CSTL1: variants seen among roughly 807,000 people sequenced by gnomAD.
The protein encoded by CSTL1 is cystatin like 1.
In CSTL1, 14 loss-of-function variants were observed where a neutral mutation model predicts 14.4. The observed-to-expected ratio is 0.97, with a 90% confidence interval of 0.64 to 1.52. The LOEUF (loss-of-function observed/expected upper bound fraction) is 1.52, where lower values mean the gene tolerates loss of function less well. Among genes scored for constraint, CSTL1 ranks in the 40% most tolerant of loss-of-function variants. The pLI is 0.00. For missense variants in CSTL1, 170 were observed against 168.7 expected (o/e 1.01, Z -0.04); for synonymous variants, 72 against 67.5 (o/e 1.07, Z -0.33).
chr20:23,458,466 C>T, the CSTL1 span: 1 of 152,174 alleles, frequency 6.6e-6, no homozygotes, highest in African/African-American at 2.4e-5. Context: ...CTTCATTATT[C>T]CCCGTAGCTC....
At chr20:23,452,626 C>T in the CSTL1 span, 54 of 1,613,890 alleles carry the variant, frequency 3.3e-5, no homozygotes, top group Admixed American at 3.8e-4. Context: ...TGAAGTGGTA[C>T]TTGTCATCAC....
the CSTL1 span, among the ~76,000 whole-genome samples, chr20:23,454,148 A>G: frequency 2.0e-5 from 3 of 150,316 alleles, no homozygotes; most frequent in South Asian, 6.4e-4. Flanking sequence ...CCACACTCAC[A>G]CTGAAACACA....
intron 3 of CSTL1, 26 bp from the exon 4 acceptor site, chr20:23,444,745 A>C: frequency 6.6e-7 from 1 of 1,504,766 alleles, no homozygotes; most frequent in Non-Finnish European, 9.3e-7. Context: ...CTTCCCCCAA[A>C]GTCTGTTTTC....
rs1055928486 is a variant in CSTL1 at position 23,443,926 on chromosome 20, C to T, written c.220-8C>T. On this transcript the variant is annotated splice_region_variant and splice_polypyrimidine_tract_variant and intron_variant, in intron 2 of 3. Transcript: ENST00000347397. ...GTCCACACTAACAGCACAACTGATT[C>T]TCGGCAGCTGACGACGGGAGTGGAG... The T allele has an allele frequency of 8.1e-6, 13 of 1,608,052 alleles. No individual in the cohort carries two copies. Among genetic ancestry groups the T allele is most frequent in the South Asian group, 3.3e-5 (3 of 90,892 alleles).
chr20:23,446,758 G>A (rs1014690861), downstream of CSTL1, among the ~76,000 whole-genome samples: 1 of 152,188 alleles, frequency 6.6e-6, no homozygotes, highest in Non-Finnish European at 1.5e-5. Context: ...CTGACAGTGT[G>A]CCTATTGTAC....
chr20:23,460,893 A>G, the CSTL1 span, among the ~76,000 whole-genome samples: 2 of 152,194 alleles, frequency 1.3e-5, no homozygotes, highest in Non-Finnish European at 2.9e-5. Context: ...TAAGAAGACT[A>G]CAAGATGAAA....
At chr20:23,454,257 AAC>A in the CSTL1 span, among the ~76,000 whole-genome samples, 1 of 151,188 alleles carries the variant, frequency 6.6e-6, no homozygotes, top group African/African-American at 2.4e-5. Flanking sequence ...CTCACATTGA[AAC>A]ACACAGACAC....
the CSTL1 span, chr20:23,451,716 T>C: frequency 1.2e-6 from 1 of 850,988 alleles, no homozygotes; most frequent in Non-Finnish European, 1.9e-6. Context: ...CAAGCCAGCT[T>C]GAGTAAATTC....
chr20:23,451,909 G>T, the CSTL1 span: 1 of 1,613,724 alleles, frequency 6.2e-7, no homozygotes, highest in Non-Finnish European at 8.5e-7. Flanking sequence ...GATACTCCAG[G>T]TGGTCAGTGA....
rs764364354 is a variant in CSTL1 at position 23,440,294 on chromosome 20, C to A, written c.27C>A (p.Pro9=). MGIGCWRN[P]LLLLIALVLS... ...TGGGGATCGGATGCTGGAGAAACCC[C>A]CTGCTGCTGCTGATTGCCCTGGTCC... The change falls in exon 2 of 4, where the codon CCC becomes CCA. Residue 9 remains proline (P), a synonymous_variant. Transcript: ENST00000347397. 7.9e-5 allele frequency: 127 copies of A among 1,614,052 alleles called. No individual in the cohort carries two copies. The highest frequency in any genetic ancestry group is 1.3e-5 in the Non-Finnish European group (15 of 1,180,036).
chr20:23,460,281 C>T, the CSTL1 span, among the ~76,000 whole-genome samples: 1 of 152,194 alleles, frequency 6.6e-6, no homozygotes. Context: ...TCTTGTAAGC[C>T]TCAGTAGAAT....
downstream of CSTL1, among the ~76,000 whole-genome samples, chr20:23,445,413 C>T (rs1986946698): frequency 6.6e-6 from 1 of 152,004 alleles, no homozygotes; most frequent in Non-Finnish European, 1.5e-5. Flanking sequence ...CCGCTTTGTC[C>T]AGCTAATTTT....
At chr20:23,453,342 G>A in the CSTL1 span, among the ~76,000 whole-genome samples, 4 of 152,152 alleles carry the variant, frequency 2.6e-5, no homozygotes, top group Non-Finnish European at 5.9e-5. Flanking sequence ...CCTACAGAAA[G>A]GTGTGAAGGG....
chr20:23,452,751 C>G, the CSTL1 span: 6 of 1,614,170 alleles, frequency 3.7e-6, no homozygotes, highest in East Asian at 1.3e-4. Flanking sequence ...TAGGGGAGGG[C>G]CATCAGAGTC....
chr20:23,447,708 G>A (rs919346477), downstream of CSTL1, among the ~76,000 whole-genome samples: 1 of 152,066 alleles, frequency 6.6e-6, no homozygotes, highest in East Asian at 1.9e-4. Flanking sequence ...CGATCCACCC[G>A]CCTCGGCCTC....
At chr20:23,446,566 C>T (rs1460931866), downstream of CSTL1, among the ~76,000 whole-genome samples, 1 of 152,202 alleles carries the variant, frequency 6.6e-6, no homozygotes, top group African/African-American at 2.4e-5. Flanking sequence ...TGCAAGCAGC[C>T]TTTCTAAGGA....
In CSTL1 at chr20:23,443,986, G is replaced by C; in HGVS notation, c.272G>C (p.Cys91Ser). Residue 91 changes from cysteine (C) to serine (S), a missense_variant, in exon 3 of 4, where the codon TGC becomes TCC. Transcript: ENST00000347397. ...ACTGTGAAGATTGGCTGGACCAAATGCAAGAGGAATGACACGAGCAATTCT... is the reference window on the plus strand; with the variant it reads ...ACTGTGAAGATTGGCTGGACCAAATCCAAGAGGAATGACACGAGCAATTCT... ...IVTVKIGWTK[C>S]KRNDTSNSSC... 1 of 1,614,082 alleles carries C rather than the reference G, an allele frequency of 6.2e-7. No homozygotes were observed. Among genetic ancestry groups the C allele is most frequent in the East Asian group, 2.2e-5 (1 of 44,892 alleles).
chr20:23,460,408 C>G, the CSTL1 span, among the ~76,000 whole-genome samples: 5 of 152,282 alleles, frequency 3.3e-5, no homozygotes, highest in South Asian at 1.0e-3. Context: ...GGGGATTGAA[C>G]TATGTATTTA....
chr20:23,451,954 G>T, the CSTL1 span: 1 of 1,507,094 alleles, frequency 6.6e-7, no homozygotes. Flanking sequence ...GGCACAGCTT[G>T]TCCCCTTCTC....
Sources: gnomAD v4.1 joint callset for allele counts (sites outside exome capture counted in the v4.1 genomes callset) on GRCh38, gnomAD v4.1.1 for gene constraint, MANE v1.5 for transcripts, NCBI Gene and HGNC (gene_info 2026-07-23, HGNC 2026-07-21) for gene names.